IRF6: variants seen among roughly 807,000 people sequenced by gnomAD.
IRF6 encodes the protein interferon regulatory factor 6.
IRF6 carries 6 observed loss-of-function variants against 51.4 expected under a neutral mutation model. The observed-to-expected ratio is 0.12, with a 90% CI of 0.06 to 0.23. IRF6 has a LOEUF of 0.23. Ranked by LOEUF, IRF6 falls within the 10% of genes least tolerant of loss-of-function variation. IRF6 has a pLI of 1.00. For synonymous variants in IRF6, 178 were observed against 215.7 expected, an observed-to-expected ratio of 0.83 and a Z score of 1.53; for missense variants, 348 against 585.2, an observed-to-expected ratio of 0.59 and a Z score of 4.18.
At chr1:209,795,225 A>C (rs1036122800) in intron 5 of IRF6, 65 bp downstream of exon 5, 26 of 1,574,098 alleles carry the variant, frequency 1.7e-5, no homozygotes, top group Admixed American at 3.3e-5. Flanking sequence ...ATGTATTGAC[A>C]GTCCCAAGGT....
chr1:209,801,644 T>C (rs1432467974), intron 2 of IRF6, among the ~76,000 whole-genome samples: 1 of 152,260 alleles, frequency 6.6e-6, no homozygotes, highest in Admixed American at 6.5e-5. Flanking sequence ...CAAATCAGAC[T>C]TATCAGCTAA....
rs750712111 is a variant in IRF6, at chr1:209,796,579, C to T, written c.175-27G>A. On this transcript the variant is annotated intron_variant, in intron 3 of 8. Coordinates refer to ENST00000367021, the MANE Select transcript of IRF6 (RefSeq NM_006147.4). The surrounding 1 kb of genome is among the most constrained non-coding windows in gnomAD (Gnocchi z 4.5). ...TGAGAACAAGAAACCACAGTGAGTC[C>T]TATCATTGCCCAGAGCCACTGCAAA... The T allele has an allele frequency of 2.5e-6, 4 of 1,586,684 alleles. No individual in the cohort carries two copies. Among genetic ancestry groups the T allele is most frequent in the African/African-American group, 1.3e-5 (1 of 74,348 alleles).
At chr1:209,800,976 A>G (rs929731032) in intron 3 of IRF6, among the ~76,000 whole-genome samples, 1 of 152,114 alleles carries the variant, frequency 6.6e-6, no homozygotes, top group Admixed American at 6.6e-5. Context: ...CATCACTACA[A>G]TCACTAATGA....
Position 209,796,005 on chromosome 1 carries a change from A to G in IRF6, c.379+343T>C, listed in dbSNP as rs375678894. Among the ~76,000 whole-genome samples the G allele has an allele frequency of 1.0e-3, 158 of 152,314 alleles. 3 individuals carry two copies. The South Asian group carries it at 0.032, about 31-fold the overall frequency. ...TTCAAGTCCCACAAGTAGTAAAGTG[A>G]TAAGGGCCAGGTTTAGAACGCAAAC... On this transcript the variant is annotated intron_variant, in intron 4 of 8. Coordinates refer to ENST00000367021, the MANE Select transcript of IRF6 (RefSeq NM_006147.4). This position sits in a 1 kb window ranked among gnomAD's most constrained non-coding sequence, Gnocchi z 4.5.
At chr1:209,797,591 G>A (rs544144116) in intron 3 of IRF6, among the ~76,000 whole-genome samples, 3 of 152,030 alleles carry the variant, frequency 2.0e-5, no homozygotes, top group Non-Finnish European at 2.9e-5. Context: ...AAACCACTTC[G>A]ACTCCTTCTC....
intron 1 of IRF6, 100 bp downstream of exon 1, chr1:209,805,846 CA>C (rs1368275531): frequency 6.6e-6 from 1 of 152,360 alleles, no homozygotes; most frequent in Non-Finnish European, 1.5e-5. Flanking sequence ...TGCCCCCAAG[CA>C]AGTTCTCTCA....
In IRF6 at chr1:209,787,099, T is replaced by G. The variant is rs1482891180; in HGVS notation, c.*1321A>C. Reference sequence around the variant, plus strand: ...CAAGCATCATAGTGCACGACTGTTGTCCCAACTACTCAGGAGGCTGGGGCA... The same window carrying G: ...CAAGCATCATAGTGCACGACTGTTGGCCCAACTACTCAGGAGGCTGGGGCA... On this transcript the variant is annotated 3_prime_UTR_variant, in exon 9 of 9. Transcript: ENST00000367021. 1.3e-5 allele frequency: 2 copies of G among 152,206 alleles called. No individual in the cohort carries two copies. The highest frequency in any genetic ancestry group is 4.8e-5 in the African/African-American group (2 of 41,328). The allele number at this position is 152,206 out of a possible 1,614,324, so 9.4% of individuals were successfully genotyped here. A position where few individuals can be genotyped will look rare whatever the true frequency, so the allele number is the denominator to read the frequency against.
At chr1:209,797,239 G>A (rs1232209545) in intron 3 of IRF6, among the ~76,000 whole-genome samples, 2 of 151,994 alleles carry the variant, frequency 1.3e-5, no homozygotes, top group Non-Finnish European at 2.9e-5. Context: ...GCATGGTGGT[G>A]CATGCCTATT....
rs774616831 is a variant in IRF6, at chr1:209,792,329, G to A, written c.607C>T (p.Pro203Ser). 8 of 1,614,078 alleles carry A rather than the reference G, an allele frequency of 5.0e-6. No individual in the cohort carries two copies. In the East Asian group the frequency reaches 8.9e-5, roughly 18 times the overall value. Residue 203 changes from proline to serine, a missense_variant, in exon 6 of 9, where the codon CCC (proline) becomes TCC (serine). Coordinates refer to ENST00000367021, the MANE Select transcript of IRF6 (RefSeq NM_006147.4). ...PKTEPLEMEV[P>S]QAPIQPFYSS... is the part of the protein sequence containing the mutation. The stretch of plus-strand genomic sequence containing the variant: ...TAGAAGGGCTGTATAGGTGCCTGGG[G>A]TACTTCCATCTCCAGGGGTTCAGTT...
At chr1:209,801,200 A>AG in intron 3 of IRF6, 40 bp downstream of exon 3, 1 of 1,542,176 alleles carries the variant, frequency 6.5e-7, no homozygotes, top group East Asian at 2.2e-5. Flanking sequence ...AAAAAAAAAA[A>AG]AAAATCCAGA....
chr1:209,797,867 T>C (rs1248205475), intron 3 of IRF6, among the ~76,000 whole-genome samples: 1 of 152,140 alleles, frequency 6.6e-6, no homozygotes, highest in Non-Finnish European at 1.5e-5. Flanking sequence ...AAAAAGTAGG[T>C]ACCATTAGCA....
Position 209,801,419 on chromosome 1 carries a change from G to T in IRF6, c.-3-3C>A, listed in dbSNP as rs1404291807. On this transcript the variant is annotated splice_region_variant and splice_polypyrimidine_tract_variant and intron_variant, in intron 2 of 8. Coordinates refer to ENST00000367021, the MANE Select transcript of IRF6 (RefSeq NM_006147.4). ...CTGCGGGGGTGGAGGGCCATGATCT[G>T]GGGGGGTCAGAGGGAGAAATGGGAA... 4 of 1,571,196 alleles carry T rather than the reference G, an allele frequency of 2.5e-6. No individual in the cohort carries two copies. Among genetic ancestry groups the T allele is most frequent in the Non-Finnish European group, 3.4e-6 (4 of 1,160,824 alleles).
chr1:209,794,180 A>C (rs2077886865), intron 5 of IRF6, among the ~76,000 whole-genome samples: 1 of 152,220 alleles, frequency 6.6e-6, no homozygotes, highest in Admixed American at 6.5e-5. Flanking sequence ...ACTAATTTAC[A>C]TTCCCACCAG....
chr1:209,795,659 A>G (rs920244427), intron 4 of IRF6, among the ~76,000 whole-genome samples: 3 of 152,220 alleles, frequency 2.0e-5, no homozygotes, highest in Non-Finnish European at 1.5e-5. Flanking sequence ...CTTGTTAAGT[A>G]TGCAGTTAAT....
chr1:209,795,340 G>A lies in IRF6; in HGVS notation c.458C>T (p.Ser153Leu), dbSNP rs781389179. 14 of 1,614,070 alleles carry A rather than the reference G, an allele frequency of 8.7e-6. No homozygotes were observed. The highest frequency in any genetic ancestry group is 1.2e-5 in the Non-Finnish European group (14 of 1,180,030). The change falls in exon 5 of 9, where the codon TCG becomes TTG. Residue 153 changes from serine to leucine, a missense_variant. Coordinates refer to ENST00000367021, the MANE Select transcript of IRF6 (RefSeq NM_006147.4). ...EEDEEDELDQ[S>L]QHHVPIQDTF... ...GTCCTGGATGGGAACATGGTGCTGC[G>A]ACTGATCCAGCTCATCTTCCTCATC...
chr1:209,800,034 T>C (rs2077929845), intron 3 of IRF6, among the ~76,000 whole-genome samples: 1 of 152,184 alleles, frequency 6.6e-6, no homozygotes, highest in Non-Finnish European at 1.5e-5. Flanking sequence ...ACCCAAAGCA[T>C]GAATCTTGAG....
At chr1:209,788,959 C>A (rs925129826) in intron 8 of IRF6, among the ~76,000 whole-genome samples, 4 of 152,210 alleles carry the variant, frequency 2.6e-5, no homozygotes, top group Admixed American at 6.5e-5. Context: ...AGGGGCAAAG[C>A]CCAAGTGGCC....
intron 5 of IRF6, chr1:209,793,048 G>A (rs1247659162): frequency 6.1e-5 from 4 of 65,102 alleles, no homozygotes; most frequent in African/African-American, 1.9e-4. Flanking sequence ...CAATTAAAAG[G>A]TTTAAAAAAA....
At chr1:209,798,686 G>A (rs1489100310) in intron 3 of IRF6, among the ~76,000 whole-genome samples, 1 of 152,112 alleles carries the variant, frequency 6.6e-6, no homozygotes, top group African/African-American at 2.4e-5. Context: ...TGAGGTGGGT[G>A]GATCATGAGG....
Sources: gnomAD v4.1 joint callset for allele counts (sites outside exome capture counted in the v4.1 genomes callset) on GRCh38, gnomAD v4.1.1 for gene constraint, Gnocchi (gnomAD v3.1) non-coding constraint, MANE v1.5 for transcripts, NCBI Gene and HGNC (gene_info 2026-07-23, HGNC 2026-07-21) for gene names.